The following TRAF3IP1 variants were observed in gnomAD, a reference collection of about 807,000 sequenced individuals.
TRAF3IP1 encodes the protein intraflagellar transport 54, also known as TRAF3-interacting protein 1.
A neutral mutation model predicts 89.9 loss-of-function variants in TRAF3IP1; 53 were observed. That is an observed-to-expected ratio of 0.59 (90% CI 0.47 to 0.74). The LOEUF (loss-of-function observed/expected upper bound fraction) is 0.74. TRAF3IP1 is among the 30% of genes least tolerant of loss of function. The probability of loss-of-function intolerance (pLI) is 0.00; values close to 1 mark genes in which losing one functional copy is unlikely to be tolerated. For synonymous variants in TRAF3IP1, 311 were observed against 322.1 expected (o/e 0.97, Z 0.37); for missense variants, 806 against 866.1 (o/e 0.93, Z 0.87).
intron 14 of TRAF3IP1, among the ~76,000 whole-genome samples, chr2:238,354,940 A>C (rs1052569710): frequency 4.7e-5 from 7 of 149,808 alleles, no homozygotes; most frequent in Non-Finnish European, 1.0e-4. Flanking sequence ...TGAGCCACCA[A>C]GCCCAGCCCA....
Position 238,359,365 on chromosome 2 carries a change from A to T in TRAF3IP1, c.1689+3285A>T, listed in dbSNP as rs113345482. Among the ~76,000 whole-genome samples, 365 of 151,332 alleles carry T rather than the reference A, an allele frequency of 2.4e-3. 3 individuals are homozygous for T. Among genetic ancestry groups the T allele is most frequent in the African/African-American group, 8.6e-3 (352 of 41,150 alleles). Reference sequence around the variant, plus strand: ...TCCAGCCCATCTCCATGTTCCCCTTACCCCACGCCCCAACCCCAGCAGCCA... The same window carrying T: ...TCCAGCCCATCTCCATGTTCCCCTTTCCCCACGCCCCAACCCCAGCAGCCA... On this transcript the variant is annotated intron_variant, in intron 15 of 16. Coordinates refer to ENST00000373327, the MANE Select transcript of TRAF3IP1 (RefSeq NM_015650.4).
In TRAF3IP1 at chr2:238,351,532, G is replaced by C. The variant is rs1480678029; in HGVS notation, c.1452-1295G>C. Among the ~76,000 whole-genome samples, 1 of 152,138 alleles carries C rather than the reference G, an allele frequency of 6.6e-6. No individual in the cohort carries two copies. Among genetic ancestry groups the C allele is most frequent in the African/African-American group, 2.4e-5 (1 of 41,428 alleles). ...GAGCAAGGCGGGACAGAGAGGGCCT[G>C]CCGATCACGGCAGGCACAGGGGCGC... On this transcript the variant is annotated intron_variant, in intron 12 of 16. Coordinates refer to ENST00000373327, the MANE Select transcript of TRAF3IP1 (RefSeq NM_015650.4). The surrounding 1 kb of genome is among the most constrained non-coding windows in gnomAD (Gnocchi z 5.2).
At chr2:238,340,844 TATAG>T (rs1437867798) in intron 8 of TRAF3IP1, among the ~76,000 whole-genome samples, 5 of 86,382 alleles carry the variant, frequency 5.8e-5, no homozygotes, top group Non-Finnish European at 1.4e-4. Context: ...TATATATATA[TATAG>T]AGAGAGAGAG....
intron 13 of TRAF3IP1, 102 bp from the exon 14 acceptor site, chr2:238,353,071 C>G (rs1574929938): frequency 6.4e-7 from 1 of 1,553,198 alleles, no homozygotes; most frequent in Admixed American, 1.8e-5. Context: ...TAGTTTTCTA[C>G]CTTCGTTAAT....
chr2:238,327,585 A>G (rs1697901281), intron 3 of TRAF3IP1, among the ~76,000 whole-genome samples: 1 of 152,254 alleles, frequency 6.6e-6, no homozygotes, highest in East Asian at 1.9e-4. Context: ...TTATTGTGTT[A>G]AAGTCCATAA....
rs1309550630 is a variant in TRAF3IP1 at position 238,388,913 on chromosome 2, G to A, written c.1690-8546G>A. 5.3e-5 allele frequency among the ~76,000 whole-genome samples: 8 copies of A among 152,136 alleles called. No homozygotes were observed. In the East Asian group the frequency reaches 7.7e-4, roughly 15 times the overall value. ...CCTTCCAAAGTGCTGGCATTACAGC[G>A]TGAGCCACTGCGCCCAGCCTAGAAA... On this transcript the variant is annotated intron_variant, in intron 15 of 16. Coordinates refer to ENST00000373327, the MANE Select transcript of TRAF3IP1 (RefSeq NM_015650.4).
intron 8 of TRAF3IP1, among the ~76,000 whole-genome samples, chr2:238,340,746 G>A (rs1347367710): frequency 2.6e-5 from 4 of 151,600 alleles, no homozygotes; most frequent in Non-Finnish European, 4.4e-5. Flanking sequence ...TACAACTAGT[G>A]CCCATATACC....
chr2:238,389,267 GGGTA>G (rs1700900674), intron 15 of TRAF3IP1, among the ~76,000 whole-genome samples: 1 of 151,894 alleles, frequency 6.6e-6, no homozygotes, highest in African/African-American at 2.4e-5. Flanking sequence ...TTAGATTTGG[GGGTA>G]CATGGGCATG....
At chr2:238,395,770 A>G (rs1701185685) in intron 15 of TRAF3IP1, among the ~76,000 whole-genome samples, 1 of 152,262 alleles carries the variant, frequency 6.6e-6, no homozygotes, top group African/African-American at 2.4e-5. Context: ...CAAAAAACAC[A>G]TGAAAAAATG....
chr2:238,396,153 G>T (rs1453738066), intron 15 of TRAF3IP1, among the ~76,000 whole-genome samples: 3 of 152,098 alleles, frequency 2.0e-5, no homozygotes, highest in Admixed American at 2.0e-4. Flanking sequence ...CGATAGACTG[G>T]ATTAAGAAAA....
intron 14 of TRAF3IP1, among the ~76,000 whole-genome samples, 182 bp downstream of exon 14, chr2:238,353,391 G>A (rs566609207): frequency 7.2e-5 from 11 of 152,206 alleles, no homozygotes; most frequent in African/African-American, 1.9e-4. Flanking sequence ...CTCTTAAGGC[G>A]ATGGCTGCTG....
At chr2:238,389,980 T>A (rs763151304) in intron 15 of TRAF3IP1, among the ~76,000 whole-genome samples, 7 of 152,160 alleles carry the variant, frequency 4.6e-5, no homozygotes, top group Non-Finnish European at 8.8e-5. Context: ...TTGAGAAATC[T>A]TGGAAGCATT....
intron 9 of TRAF3IP1, chr2:238,347,205 C>A: frequency 4.1e-6 from 2 of 490,518 alleles, no homozygotes; most frequent in South Asian, 5.1e-5. Flanking sequence ...TCTCCACATC[C>A]CTGTGTCCTG....
chr2:238,392,175 A>G (rs1222877816), intron 15 of TRAF3IP1, among the ~76,000 whole-genome samples: 1 of 152,190 alleles, frequency 6.6e-6, no homozygotes, highest in Non-Finnish European at 1.5e-5. Context: ...GTTTGCGTTC[A>G]GCCTGGGCAA....
chr2:238,363,367 T>C (rs1559378959), intron 15 of TRAF3IP1, among the ~76,000 whole-genome samples: 1 of 152,178 alleles, frequency 6.6e-6, no homozygotes, highest in South Asian at 2.1e-4. Flanking sequence ...ATATTGAAAA[T>C]TGATATTGAA....
intron 7 of TRAF3IP1, among the ~76,000 whole-genome samples, chr2:238,337,085 A>G (rs995482376): frequency 1.3e-5 from 2 of 152,170 alleles, no homozygotes; most frequent in Non-Finnish European, 2.9e-5. Context: ...GCCCCTGGCC[A>G]GGTGAGGATT....
chr2:238,387,584 C>T (rs1177396949), intron 15 of TRAF3IP1, among the ~76,000 whole-genome samples: 3 of 152,120 alleles, frequency 2.0e-5, no homozygotes, highest in Non-Finnish European at 4.4e-5. Flanking sequence ...GTTGCATACC[C>T]GACAGTCACG....
intron 12 of TRAF3IP1, among the ~76,000 whole-genome samples, chr2:238,350,380 TC>T (rs1699096720): frequency 6.6e-6 from 1 of 151,394 alleles, no homozygotes; most frequent in South Asian, 2.1e-4. Context: ...GGAGGTGGAG[TC>T]GGCACATGGT....
intron 5 of TRAF3IP1, 111 bp downstream of exon 5, chr2:238,329,453 C>T (rs1014751974): frequency 1.0e-6 from 1 of 953,874 alleles, no homozygotes; most frequent in Non-Finnish European, 1.4e-6. Flanking sequence ...TTCTTTTATG[C>T]CTATTTAAAA....
Sources: allele counts gnomAD v4.1 joint callset (sites outside exome capture counted in the v4.1 genomes callset), GRCh38; gene constraint gnomAD v4.1.1; non-coding constraint Gnocchi (gnomAD v3.1); transcripts MANE v1.5; gene names NCBI Gene and HGNC (gene_info 2026-07-23, HGNC 2026-07-21).